The following NAALADL2 variants were observed in gnomAD, a reference collection of about 807,000 sequenced individuals.
NAALADL2 encodes the protein N-acetylated alpha-linked acidic dipeptidase like 2.
NAALADL2 carries 76 observed loss-of-function variants against 87.2 expected under a neutral mutation model. The observed-to-expected ratio is 0.87, with a 90% CI of 0.72 to 1.05. NAALADL2 has a LOEUF of 1.05. Among genes scored for constraint, NAALADL2 ranks in the 50% least tolerant of loss-of-function variants. The pLI is 0.00. For synonymous variants in NAALADL2, 354 were observed against 331.0 expected (o/e 1.07, Z -0.75); for missense variants, 1,089 against 945.8 (o/e 1.15, Z -1.99).
intron 6 of NAALADL2, among the ~76,000 whole-genome samples, chr3:175,449,465 G>A (rs1040908810): frequency 8.5e-5 from 12 of 140,720 alleles, no homozygotes; most frequent in South Asian, 4.4e-4. Context: ...GCACAGTCTC[G>A]GCTCACTGCA....
At chr3:174,861,693 G>C (rs140767812) in intron 1 of NAALADL2, among the ~76,000 whole-genome samples, 26 of 152,154 alleles carry the variant, frequency 1.7e-4, no homozygotes, top group African/African-American at 5.8e-4. Flanking sequence ...CTAAGGCCAT[G>C]TATCTAGATT....
At chr3:175,717,201 G>A (rs577464464) in intron 11 of NAALADL2, among the ~76,000 whole-genome samples, 49 of 152,220 alleles carry the variant, frequency 3.2e-4, no homozygotes, top group Middle Eastern at 6.8e-3. Flanking sequence ...GTCTCCCAAA[G>A]CACTTCGATT....
intron 1 of NAALADL2, among the ~76,000 whole-genome samples, chr3:175,064,422 G>C (rs975496777): frequency 1.3e-5 from 2 of 152,116 alleles, no homozygotes; most frequent in Non-Finnish European, 2.9e-5. Flanking sequence ...GCTGAGTAAA[G>C]ATGTAGGCAA....
intron 6 of NAALADL2, among the ~76,000 whole-genome samples, chr3:175,460,923 G>T (rs2149261718): frequency 6.6e-6 from 1 of 152,304 alleles, no homozygotes; most frequent in East Asian, 1.9e-4. Flanking sequence ...GCAGGTTGCT[G>T]CTCCTGGCTG....
chr3:175,394,773 C>G (rs1023568437), intron 5 of NAALADL2, among the ~76,000 whole-genome samples: 1 of 152,154 alleles, frequency 6.6e-6, no homozygotes, highest in Non-Finnish European at 1.5e-5. Context: ...TCTGTTCATG[C>G]TAATGCCTTT....
At chr3:175,438,629 G>A (rs1719162232) in intron 5 of NAALADL2, among the ~76,000 whole-genome samples, 1 of 151,886 alleles carries the variant, frequency 6.6e-6, no homozygotes, top group Non-Finnish European at 1.5e-5. Flanking sequence ...AATACTTTTA[G>A]TTTGTCAGTC....
chr3:175,157,762 G>A (rs186777515), intron 2 of NAALADL2, among the ~76,000 whole-genome samples: 94 of 152,084 alleles, frequency 6.2e-4, no homozygotes, highest in South Asian at 8.3e-4. Flanking sequence ...AAGTTATCTC[G>A]TAGAACAGTG....
intron 1 of NAALADL2, among the ~76,000 whole-genome samples, chr3:174,961,898 C>T (rs1742056683): frequency 6.6e-6 from 1 of 151,986 alleles, no homozygotes; most frequent in Admixed American, 6.6e-5. Context: ...TAACCAGACT[C>T]TAATTTGGTC....
At chr3:174,598,279 C>T (rs1718110431) in intron 2 of NAALADL2, among the ~76,000 whole-genome samples, 1 of 152,068 alleles carries the variant, frequency 6.6e-6, no homozygotes, top group South Asian at 2.1e-4. Flanking sequence ...AAGGTCTGGT[C>T]ATAAACTTTG....
intron 3 of NAALADL2, among the ~76,000 whole-genome samples, chr3:174,742,400 A>C (rs564140628): frequency 6.6e-6 from 1 of 151,882 alleles, no homozygotes; most frequent in Non-Finnish European, 1.5e-5. Flanking sequence ...TTTCCAGCCC[A>C]GATCAGTCAT....
At chr3:175,599,551 G>C (rs1234642962) in intron 10 of NAALADL2, among the ~76,000 whole-genome samples, 1 of 152,056 alleles carries the variant, frequency 6.6e-6, no homozygotes, top group Non-Finnish European at 1.5e-5. Context: ...TGGACCTTGA[G>C]CCAAGTCCCC....
chr3:175,631,597 C>T (rs1367010145), intron 11 of NAALADL2, among the ~76,000 whole-genome samples: 4 of 151,660 alleles, frequency 2.6e-5, no homozygotes, highest in African/African-American at 9.7e-5. Context: ...TCAGGTGGTA[C>T]AGTATAAAGT....
chr3:175,498,158 C>G (rs990463444), intron 9 of NAALADL2, among the ~76,000 whole-genome samples: 2 of 151,856 alleles, frequency 1.3e-5, no homozygotes, highest in Admixed American at 1.3e-4. Context: ...GAGAAAAGAA[C>G]AGAGAATAAA....
chr3:175,355,297 C>T (rs546212111), intron 5 of NAALADL2, among the ~76,000 whole-genome samples: 8 of 152,074 alleles, frequency 5.3e-5, no homozygotes, highest in Admixed American at 3.3e-4. Context: ...GAACTCCTGA[C>T]ATCAAGTGAT....
intron 2 of NAALADL2, among the ~76,000 whole-genome samples, chr3:174,730,169 G>A (rs544750262): frequency 1.3e-5 from 2 of 152,112 alleles, no homozygotes; most frequent in South Asian, 4.1e-4. Flanking sequence ...TAGGGATTAT[G>A]TTTCCCTATG....
intron 1 of NAALADL2, among the ~76,000 whole-genome samples, chr3:175,059,173 C>A (rs773469983): frequency 6.6e-6 from 1 of 152,112 alleles, no homozygotes; most frequent in African/African-American, 2.4e-5. Flanking sequence ...TCATTTTTTT[C>A]TTTAAACATC....
chr3:175,102,693 A>T (rs1329996396), intron 2 of NAALADL2, among the ~76,000 whole-genome samples: 1 of 127,026 alleles, frequency 7.9e-6, no homozygotes, highest in Non-Finnish European at 1.8e-5. Context: ...ACAGGGCAAT[A>T]TTTTTTATCA....
chr3:175,706,198 A>G (rs1739683537), intron 11 of NAALADL2, among the ~76,000 whole-genome samples: 1 of 152,070 alleles, frequency 6.6e-6, no homozygotes, highest in South Asian at 2.1e-4. Context: ...TTCGAATCAT[A>G]TCTGTCTTAT....
At chr3:175,101,684 T>C (rs1301325308) in intron 2 of NAALADL2, among the ~76,000 whole-genome samples, 1 of 151,858 alleles carries the variant, frequency 6.6e-6, no homozygotes, top group African/African-American at 2.4e-5. Context: ...CTTCAAAACA[T>C]AGTTTGAAAA....
Sources: gnomAD v4.1 joint callset for allele counts (sites outside exome capture counted in the v4.1 genomes callset) on GRCh38, gnomAD v4.1.1 for gene constraint, MANE v1.5 for transcripts, NCBI Gene and HGNC (gene_info 2026-07-23, HGNC 2026-07-21) for gene names.